TRIM37: variants seen among roughly 807,000 people sequenced by gnomAD.
TRIM37 encodes E3 ubiquitin-protein ligase TRIM37.
TRIM37 carries 80 observed loss-of-function variants against 129.8 expected under a neutral mutation model. The ratio of observed to expected loss-of-function variants is 0.62; its 90% CI spans 0.51 to 0.74. TRIM37 has a LOEUF of 0.74. TRIM37 is among the 30% of genes least tolerant of loss of function. The pLI is 0.00. For missense variants in TRIM37, 1,054 were observed against 1,176.5 expected (o/e 0.90, Z 1.52); for synonymous variants, 389 against 387.1 (o/e 1.00, Z -0.06).
chr17:59,027,503 T>G (rs912217146), intron 19 of TRIM37, among the ~76,000 whole-genome samples: 24 of 152,282 alleles, frequency 1.6e-4, no homozygotes, highest in African/African-American at 5.8e-4. Flanking sequence ...GATGGGAACC[T>G]CAGTCAAGAA....
intron 24 of TRIM37, among the ~76,000 whole-genome samples, chr17:58,986,327 T>C (rs2031806035): frequency 6.6e-6 from 1 of 150,636 alleles, no homozygotes. Flanking sequence ...ATCTCCCAAG[T>C]AGCTGGGATT....
At chr17:59,058,922 T>A (rs1406142308) in intron 12 of TRIM37, among the ~76,000 whole-genome samples, 1 of 152,206 alleles carries the variant, frequency 6.6e-6, no homozygotes, top group Non-Finnish European at 1.5e-5. Flanking sequence ...ATATCCAATC[T>A]TGTAAAATTT....
At chr17:58,980,529 T>G (rs765944508), downstream of TRIM37, 1 of 1,614,082 alleles carries the variant, frequency 6.2e-7, no homozygotes, top group Admixed American at 1.7e-5. This position sits in a 1 kb window ranked among gnomAD's most constrained non-coding sequence, Gnocchi z 4.7. Context: ...TTGCTACCAG[T>G]TGAGATGTTT....
intron 7 of TRIM37, among the ~76,000 whole-genome samples, chr17:59,077,050 A>C (rs2042869961): frequency 6.6e-6 from 1 of 151,956 alleles, no homozygotes; most frequent in Admixed American, 6.6e-5. Flanking sequence ...GGCCTCCCAA[A>C]GTGCTGGGAT....
At chr17:59,009,443 CTTTTTTTTTTT>C (rs61545184) in intron 22 of TRIM37, among the ~76,000 whole-genome samples, 1 of 107,622 alleles carries the variant, frequency 9.3e-6, no homozygotes, top group Admixed American at 1.1e-4. Flanking sequence ...AATTTCTTTT[CTTTTTTTTTTT>C]TTTTTTTTGA....
chr17:59,038,219 T>C (rs2038773111), intron 17 of TRIM37, among the ~76,000 whole-genome samples: 1 of 152,170 alleles, frequency 6.6e-6, no homozygotes, highest in Admixed American at 6.5e-5. Flanking sequence ...ATTTAAGGGG[T>C]AGAAGTTATA....
At chr17:59,102,448 T>G (rs1178615025) in intron 2 of TRIM37, among the ~76,000 whole-genome samples, 1 of 152,254 alleles carries the variant, frequency 6.6e-6, no homozygotes, top group Non-Finnish European at 1.5e-5. Flanking sequence ...AGCATCAGTT[T>G]CACTGTTTAT....
At chr17:59,005,386 C>A (rs1367429018) in intron 22 of TRIM37, among the ~76,000 whole-genome samples, 2 of 152,108 alleles carry the variant, frequency 1.3e-5, no homozygotes. Flanking sequence ...CAGGTTCAAG[C>A]AATTCTCCTG....
At chr17:59,062,669 C>A in intron 10 of TRIM37, 21 bp from the exon 11 acceptor site, 1 of 1,605,970 alleles carries the variant, frequency 6.2e-7, no homozygotes. Flanking sequence ...AGAAAACCAA[C>A]CAAATCCCAA....
downstream of TRIM37, chr17:58,981,064 C>T (rs762688126): frequency 6.9e-7 from 1 of 1,444,990 alleles, no homozygotes; most frequent in East Asian, 2.3e-5. Flanking sequence ...TAGCTCTCCC[C>T]CAATAAAAAT....
At chr17:58,998,167 T>C, downstream of TRIM37, 2 of 968,890 alleles carry the variant, frequency 2.1e-6, no homozygotes, top group Non-Finnish European at 2.5e-6. Flanking sequence ...AAAGAAGGGG[T>C]TTCTGGTCCC....
At chr17:59,072,738 ACT>A (rs2042486672) in intron 8 of TRIM37, among the ~76,000 whole-genome samples, 1 of 141,164 alleles carries the variant, frequency 7.1e-6, no homozygotes, top group South Asian at 2.4e-4. Flanking sequence ...ACAAGGCAAG[ACT>A]CTGTCTCAAA....
intron 24 of TRIM37, chr17:58,984,149 G>A (rs2031575713): frequency 6.6e-6 from 1 of 152,626 alleles, no homozygotes; most frequent in South Asian, 2.1e-4. Context: ...TAAAGTTACT[G>A]TTGCATTTAG....
intron 4 of TRIM37, among the ~76,000 whole-genome samples, chr17:59,086,653 T>C (rs2043780387): frequency 6.6e-6 from 1 of 152,218 alleles, no homozygotes; most frequent in East Asian, 1.9e-4. Context: ...GAATATAAAA[T>C]GGGAAATGAA....
At chr17:59,084,669 C>T (rs1184184269) in intron 4 of TRIM37, among the ~76,000 whole-genome samples, 1 of 152,046 alleles carries the variant, frequency 6.6e-6, no homozygotes, top group Non-Finnish European at 1.5e-5. Context: ...GCCTTAACCC[C>T]CAGTGTGAAT....
chr17:59,050,022 C>T (rs2040188675), intron 14 of TRIM37, among the ~76,000 whole-genome samples: 1 of 152,144 alleles, frequency 6.6e-6, no homozygotes, highest in African/African-American at 2.4e-5. Flanking sequence ...TCCTCCCTGA[C>T]CTATTAACGA....
In TRIM37 at chr17:58,998,319, A is replaced by G; in HGVS notation, c.*1058T>C. ...GAAGAGTGAACAATATTCACTAAGT[A>G]AAATACAGCAGATGAGATGTCTCTC... On this transcript the variant is annotated 3_prime_UTR_variant, in exon 24 of 24. Transcript: ENST00000262294. 1.0e-6 allele frequency: 1 copy of G among 985,340 alleles called. No homozygotes were observed. The highest frequency in any genetic ancestry group is 1.2e-6 in the Non-Finnish European group (1 of 829,806). 61.0% of individuals were successfully genotyped at this position (985,340 alleles called of 1,614,324 possible).
chr17:59,045,777 G>C (rs557303777), intron 16 of TRIM37, among the ~76,000 whole-genome samples: 1 of 152,164 alleles, frequency 6.6e-6, no homozygotes, highest in South Asian at 2.1e-4. Context: ...CACTTTGGGA[G>C]GCTGAAGTGG....
chr17:59,087,595 C>T (rs899750454), intron 4 of TRIM37, among the ~76,000 whole-genome samples: 1 of 151,458 alleles, frequency 6.6e-6, no homozygotes, highest in East Asian at 1.9e-4. Context: ...ACACCCTGTT[C>T]TCTTATTTCT....
Sources: gnomAD v4.1 joint callset for allele counts (sites outside exome capture counted in the v4.1 genomes callset) on GRCh38, gnomAD v4.1.1 for gene constraint, Gnocchi (gnomAD v3.1) non-coding constraint, MANE v1.5 for transcripts, NCBI Gene and HGNC (gene_info 2026-07-23, HGNC 2026-07-21) for gene names.